The following PDIA6 variants were observed in gnomAD, a reference collection of about 807,000 sequenced individuals.
PDIA6 encodes the protein protein disulfide-isomerase A6.
A neutral mutation model predicts 58.4 loss-of-function variants in PDIA6; 29 were observed. The observed-to-expected ratio is 0.50, with a 90% CI of 0.37 to 0.68. The LOEUF (loss-of-function observed/expected upper bound fraction) is 0.68. PDIA6 is among the 30% of genes least tolerant of loss of function. The probability of loss-of-function intolerance (pLI) is 0.00; values close to 1 mark genes in which losing one functional copy is unlikely to be tolerated. For missense variants in PDIA6, 480 were observed against 551.0 expected, an observed-to-expected ratio of 0.87 and a Z score of 1.29; for synonymous variants, 192 against 202.6, an observed-to-expected ratio of 0.95 and a Z score of 0.44.
intron 1 of PDIA6, 99 bp downstream of exon 1, chr2:10,812,579 G>GCCGCCTGCGGCCGCGGC: frequency 1.6e-6 from 2 of 1,261,080 alleles, no homozygotes; most frequent in Non-Finnish European, 2.1e-6. Flanking sequence ...CCCACTTCCG[G>GCCGCCTGCGGCCGCGGC]CCGCCTGCGG....
At chr2:10,786,048 C>T (rs554900586) in intron 11 of PDIA6, among the ~76,000 whole-genome samples, 19 of 152,188 alleles carry the variant, frequency 1.2e-4, no homozygotes, top group Middle Eastern at 3.4e-3. Flanking sequence ...CTTGGCCAGG[C>T]GTGGTGGCTC....
chr2:10,804,262 C>T (rs910309581), intron 1 of PDIA6, among the ~76,000 whole-genome samples: 17 of 149,122 alleles, frequency 1.1e-4, no homozygotes, highest in Admixed American at 2.7e-4. Flanking sequence ...ACTTTAAAAA[C>T]GAAAAAAACC....
chr2:10,832,590 G>T, upstream of PDIA6: 1 of 191,830 alleles, frequency 5.2e-6, no homozygotes, highest in Non-Finnish European at 9.6e-6. Context: ...GGACTCGTGC[G>T]CTTTTCTCTG....
chr2:10,814,779 C>A (rs1016684611), upstream of PDIA6, among the ~76,000 whole-genome samples: 3 of 152,188 alleles, frequency 2.0e-5, no homozygotes, highest in Non-Finnish European at 4.4e-5. Flanking sequence ...AACGCACTCA[C>A]GATCGAGTTT....
At chr2:10,797,877 G>A in intron 2 of PDIA6, 120 bp from the exon 3 acceptor site, 1 of 737,602 alleles carries the variant, frequency 1.4e-6, no homozygotes, top group Non-Finnish European at 2.3e-6. Context: ...CTGCAAAGAG[G>A]ACAAGCACAA....
intron 1 of PDIA6, among the ~76,000 whole-genome samples, chr2:10,803,645 TACA>T (rs1178440720): frequency 1.3e-5 from 2 of 149,504 alleles, no homozygotes; most frequent in African/African-American, 2.4e-5. Context: ...ACATGCAATT[TACA>T]ACAATAATTT....
chr2:10,813,144 C>T (rs373137111), upstream of PDIA6, among the ~76,000 whole-genome samples: 1 of 152,310 alleles, frequency 6.6e-6, no homozygotes, highest in South Asian at 2.1e-4. Flanking sequence ...CCCCCACCCT[C>T]TTTATCCCGG....
upstream of PDIA6, chr2:10,815,469 C>A (rs1399963249): frequency 6.6e-6 from 1 of 152,198 alleles, no homozygotes; most frequent in Non-Finnish European, 1.5e-5. Context: ...TTCCATTTCA[C>A]ACATTTTTGG....
At chr2:10,827,917 A>C (rs1302393967) in intron 1 of PDIA6, among the ~76,000 whole-genome samples, 1 of 151,774 alleles carries the variant, frequency 6.6e-6, no homozygotes, top group Non-Finnish European at 1.5e-5. Flanking sequence ...TTATTTTTTT[A>C]ATGCAATGTA....
At chr2:10,795,827 ATGT>A (rs1286371623) in intron 4 of PDIA6, among the ~76,000 whole-genome samples, 1 of 152,130 alleles carries the variant, frequency 6.6e-6, no homozygotes, top group African/African-American at 2.4e-5. Flanking sequence ...TTTTACTACG[ATGT>A]TGATGCTGCC....
At chr2:10,827,079 A>G (rs1289041582) in intron 1 of PDIA6, among the ~76,000 whole-genome samples, 1 of 152,022 alleles carries the variant, frequency 6.6e-6, no homozygotes, top group Non-Finnish European at 1.5e-5. Context: ...TGATTGATTG[A>G]TTGAGATGAA....
chr2:10,819,546 T>A (rs1433674447), intron 1 of PDIA6, among the ~76,000 whole-genome samples: 2 of 152,220 alleles, frequency 1.3e-5, no homozygotes, highest in African/African-American at 4.8e-5. Flanking sequence ...ACTGTGCTAT[T>A]TGAGATAAAT....
rs1558438088 is a variant in PDIA6, at chr2:10,787,456, G to A, written c.999-17C>T. 2 of 1,600,450 alleles carry A rather than the reference G, an allele frequency of 1.2e-6. No homozygotes were observed. Among genetic ancestry groups the A allele is most frequent in the East Asian group, 2.2e-5 (1 of 44,668 alleles). The stretch of plus-strand genomic sequence containing the variant: ...CACAGCCACCTAGAAAACCAGACTG[G>A]TTTTTAGGGCAAATATGTCTTTTAA... On this transcript the variant is annotated splice_polypyrimidine_tract_variant and intron_variant, in intron 10 of 12. Coordinates refer to ENST00000272227, the MANE Select transcript of PDIA6 (RefSeq NM_005742.4).
At chr2:10,810,265 A>G in intron 1 of PDIA6, 2 of 1,524,694 alleles carry the variant, frequency 1.3e-6, no homozygotes, top group Non-Finnish European at 1.8e-6. Flanking sequence ...AATTAGATAG[A>G]CCCAAATTTC....
Position 10,826,307 on chromosome 2 carries a change from G to A in PDIA6, c.-48+5895C>T, listed in dbSNP as rs554001573. Among the ~76,000 whole-genome samples, 3 of 152,288 alleles carry A rather than the reference G, an allele frequency of 2.0e-5. No individual in the cohort carries two copies. In the South Asian group the frequency reaches 6.2e-4, roughly 32 times the overall value. ...AGTAGGTTTGTGGCTGTCTAGGGCT[G>A]GGAGTTGGGAGAGGACAGTTGCACA... On this transcript the variant is annotated intron_variant, in intron 1 of 13. Transcript: ENST00000381611.
chr2:10,802,590 T>C lies in PDIA6; in HGVS notation c.70A>G (p.Ser24Gly). 6.7e-7 allele frequency: 1 copy of C among 1,503,096 alleles called. No individual in the cohort carries two copies. Among genetic ancestry groups the C allele is most frequent in the Non-Finnish European group, 8.9e-7 (1 of 1,127,710 alleles). The allele number at this position is 1,503,096 out of a possible 1,614,324, so 93.1% of individuals were successfully genotyped here. A position where few individuals can be genotyped will look rare whatever the true frequency, so the allele number is the denominator to read the frequency against. ...FLAVNGLYSSSDDVIELTPSN... is the reference protein window; with the variant it reads ...FLAVNGLYSSGDDVIELTPSN... ...GGAGTTAATTCGATCACATCATCAC[T>C]AGAGGAATACAGACCATTCACTGCC... Residue 24 changes from serine to glycine, a missense_variant, in exon 2 of 13, where the codon AGT becomes GGT. Ser to Gly is a moderately conservative substitution (Grantham distance 56, BLOSUM62 0). Transcript: ENST00000272227.
At chr2:10,802,465 T>C in intron 2 of PDIA6, 34 bp downstream of exon 2, 1 of 1,254,030 alleles carries the variant, frequency 8.0e-7, no homozygotes, top group Non-Finnish European at 1.0e-6. Flanking sequence ...CAGAAAGTAC[T>C]ATAAATAATC....
intron 1 of PDIA6, chr2:10,820,759 C>T: frequency 1.4e-6 from 1 of 703,022 alleles, no homozygotes; most frequent in Non-Finnish European, 2.6e-6. Context: ...GGAGCTGGGC[C>T]AGTTCACTCA....
At chr2:10,789,722 G>A (rs375338937) in intron 8 of PDIA6, 27 bp downstream of exon 8, 87 of 1,607,744 alleles carry the variant, frequency 5.4e-5, no homozygotes, top group Non-Finnish European at 5.1e-6. Flanking sequence ...AAAGCTTTCT[G>A]GACTACAAGC....
Sources: allele counts gnomAD v4.1 joint callset (sites outside exome capture counted in the v4.1 genomes callset), GRCh38; gene constraint gnomAD v4.1.1; transcripts MANE v1.5; gene names NCBI Gene and HGNC (gene_info 2026-07-23, HGNC 2026-07-21).